Variants in PTPRQ observed in about 807,000 individuals in gnomAD.
The protein encoded by PTPRQ is phosphatidylinositol phosphatase PTPRQ.
PTPRQ carries 199 observed loss-of-function variants against 246.0 expected under a neutral mutation model. That is an observed-to-expected ratio of 0.81 (90% CI 0.72 to 0.91). PTPRQ has a LOEUF of 0.91. Among genes scored for constraint, PTPRQ ranks in the 40% least tolerant of loss-of-function variants. PTPRQ has a pLI of 0.00. For synonymous variants in PTPRQ, 869 were observed against 853.2 expected, an observed-to-expected ratio of 1.02 and a Z score of -0.32; for missense variants, 2,624 against 2,528.4, an observed-to-expected ratio of 1.04 and a Z score of -0.81.
intron 16 of PTPRQ, among the ~76,000 whole-genome samples, chr12:80,507,703 C>T (rs1330538861): frequency 6.6e-6 from 1 of 151,890 alleles, no homozygotes; most frequent in Non-Finnish European, 1.5e-5. Flanking sequence ...TCAGTTTTCC[C>T]TAATCATTGC....
chr12:80,554,214 T>C (rs1277357411), intron 25 of PTPRQ, among the ~76,000 whole-genome samples: 2 of 152,256 alleles, frequency 1.3e-5, no homozygotes, highest in East Asian at 1.9e-4. Flanking sequence ...AATAGTATAA[T>C]TGGAATTTTT....
intron 9 of PTPRQ, among the ~76,000 whole-genome samples, chr12:80,486,758 T>C (rs917101570): frequency 6.6e-6 from 1 of 152,170 alleles, no homozygotes; most frequent in Admixed American, 6.6e-5. Context: ...AAGAACTCTT[T>C]AAATGCTTGA....
At chr12:80,504,837 T>C (rs1894904717) in intron 14 of PTPRQ, among the ~76,000 whole-genome samples, 1 of 151,908 alleles carries the variant, frequency 6.6e-6, no homozygotes, top group South Asian at 2.1e-4. Context: ...TTCTTTTCTA[T>C]CTCTCCACCC....
intron 9 of PTPRQ, 32 bp downstream of exon 9, chr12:80,484,637 C>A (rs2120611738): frequency 1.9e-6 from 3 of 1,544,104 alleles, no homozygotes; most frequent in East Asian, 2.5e-5. Flanking sequence ...TATTGGTGAA[C>A]CCTTTCTGCT....
At chr12:80,561,644 C>T (rs1342926692) in intron 25 of PTPRQ, 4 of 150,532 alleles carry the variant, frequency 2.7e-5, no homozygotes, top group African/African-American at 9.8e-5. Context: ...TATTCAAACG[C>T]CAAGCCATTT....
chr12:80,504,186 A>G (rs1188880252), intron 14 of PTPRQ, among the ~76,000 whole-genome samples: 1 of 151,520 alleles, frequency 6.6e-6, no homozygotes, highest in Non-Finnish European at 1.5e-5. Flanking sequence ...GCCATTTTAT[A>G]TTTTCCATAA....
intron 19 of PTPRQ, among the ~76,000 whole-genome samples, chr12:80,539,011 A>C (rs1022714956): frequency 6.6e-6 from 1 of 152,194 alleles, no homozygotes; most frequent in African/African-American, 2.4e-5. Flanking sequence ...GGAAATTATA[A>C]AATTATTCAT....
chr12:80,567,019 G>A (rs1489773798), intron 25 of PTPRQ, among the ~76,000 whole-genome samples: 1 of 152,176 alleles, frequency 6.6e-6, no homozygotes, highest in Admixed American at 6.5e-5. Context: ...CATGTTAAAA[G>A]TTGTGTGTGC....
Position 80,565,610 on chromosome 12 carries a change from C to T in PTPRQ, c.4285+15876C>T, listed in dbSNP as rs185365414. Among the ~76,000 whole-genome samples, 651 of 152,140 alleles carry T rather than the reference C, an allele frequency of 4.3e-3. 8 individuals carry two copies. The highest frequency in any genetic ancestry group is 0.014 in the African/African-American group (590 of 41,506). ...ATGACGTGAAAGCTTCAGGAATGTG[C>T]CTGTTGTTTGTCTGAGATTATAAAC... On this transcript the variant is annotated intron_variant, in intron 25 of 44. Transcript: ENST00000644991.
intron 17 of PTPRQ, among the ~76,000 whole-genome samples, chr12:80,530,399 C>T (rs575231990): frequency 6.6e-6 from 1 of 151,966 alleles, no homozygotes; most frequent in Non-Finnish European, 1.5e-5. Flanking sequence ...AAGTAGTGCC[C>T]GACACAAAGT....
At chr12:80,583,438 T>C (rs1337075883) in intron 25 of PTPRQ, among the ~76,000 whole-genome samples, 3 of 152,188 alleles carry the variant, frequency 2.0e-5, no homozygotes, top group Admixed American at 6.5e-5. Context: ...AGATTAGGCC[T>C]CTTTGGAGTG....
At chr12:80,659,094 T>A (rs1485583979) in intron 39 of PTPRQ, among the ~76,000 whole-genome samples, 1 of 152,076 alleles carries the variant, frequency 6.6e-6, no homozygotes, top group Non-Finnish European at 1.5e-5. Flanking sequence ...TTTAAGACTT[T>A]AAGACTTTTT....
chr12:80,506,567 A>C lies in PTPRQ; in HGVS notation c.2456-2A>C, dbSNP rs752959544. 2.6e-6 allele frequency: 4 copies of C among 1,518,372 alleles called. No individual in the cohort carries two copies. The African/African-American group carries it at 5.6e-5, about 21-fold the overall frequency. 94.1% of individuals were successfully genotyped at this position (1,518,372 alleles called of 1,614,324 possible). On this transcript the variant is annotated splice_acceptor_variant, in intron 15 of 44. Transcript: ENST00000644991. LOFTEE classifies it high-confidence loss of function. The stretch of plus-strand genomic sequence containing the variant: ...CAACTTACCTATTTGATTTCTCTTT[A>C]GTACTGAAGAAATATACCCAATATA...
At chr12:80,648,554 G>C (rs1238625856) in intron 35 of PTPRQ, among the ~76,000 whole-genome samples, 1 of 151,890 alleles carries the variant, frequency 6.6e-6, no homozygotes. Context: ...ATCCACATTA[G>C]CTCTTTTAGA....
intron 33 of PTPRQ, among the ~76,000 whole-genome samples, chr12:80,629,303 A>G (rs1409707815): frequency 6.6e-6 from 1 of 152,154 alleles, no homozygotes; most frequent in Non-Finnish European, 1.5e-5. Context: ...TCTTACTCCA[A>G]ATACAGCCAC....
chr12:80,510,462 G>A lies in PTPRQ; in HGVS notation c.2678+19G>A. The A allele has an allele frequency of 2.0e-6, 3 of 1,519,910 alleles. No homozygotes were observed. The highest frequency in any genetic ancestry group is 2.7e-6 in the Non-Finnish European group (3 of 1,130,374). 94.2% of individuals were successfully genotyped at this position (1,519,910 alleles called of 1,614,324 possible). ...ATGTCTGGTAATAATTTTTTTTTTG[G>A]AAATAGTTCTGAGAACAGATATTAA... On this transcript the variant is annotated intron_variant, in intron 17 of 44. Transcript: ENST00000644991.
chr12:80,599,189 C>T (rs190464650), intron 26 of PTPRQ, among the ~76,000 whole-genome samples: 1 of 151,894 alleles, frequency 6.6e-6, no homozygotes, highest in Admixed American at 6.6e-5. Flanking sequence ...AGGATAGAAG[C>T]ATGATAATCA....
intron 26 of PTPRQ, among the ~76,000 whole-genome samples, chr12:80,596,560 C>T (rs189467280): frequency 1.3e-5 from 2 of 152,074 alleles, no homozygotes; most frequent in African/African-American, 4.8e-5. Flanking sequence ...TCTCTGAGAT[C>T]TCAGACTAAA....
chr12:80,563,886 G>A (rs1896902732), intron 25 of PTPRQ, among the ~76,000 whole-genome samples: 1 of 152,130 alleles, frequency 6.6e-6, no homozygotes, highest in South Asian at 2.1e-4. Context: ...TTACTGCTAA[G>A]AGAGAGAAGA....
Sources: gnomAD v4.1 joint callset for allele counts (sites outside exome capture counted in the v4.1 genomes callset) on GRCh38, gnomAD v4.1.1 for gene constraint, MANE v1.5 for transcripts, NCBI Gene and HGNC (gene_info 2026-07-23, HGNC 2026-07-21) for gene names.